Variants in TPH1 observed in about 807,000 individuals in gnomAD.
TPH1 encodes tryptophan hydroxylase 1, also known as tryptophan 5-hydroxylase 1.
TPH1 carries 37 observed loss-of-function variants against 49.5 expected under a neutral mutation model. That is an observed-to-expected ratio of 0.75 (90% CI 0.58 to 0.98). The LOEUF is 0.98. Ranked by LOEUF, TPH1 falls within the 50% of genes least tolerant of loss-of-function variation. TPH1 has a pLI of 0.00. For synonymous variants in TPH1, 160 were observed against 182.1 expected (o/e 0.88, Z 0.98); for missense variants, 487 against 523.6 (o/e 0.93, Z 0.68).
chr11:18,033,907 A>G (rs1246354364), intron 3 of TPH1, among the ~76,000 whole-genome samples: 1 of 151,758 alleles, frequency 6.6e-6, no homozygotes, highest in Non-Finnish European at 1.5e-5. Context: ...TCCCTGCCCC[A>G]CCCTACCCTT....
chr11:18,042,254 A>G (rs1848104450), intron 1 of TPH1: 1 of 412,600 alleles, frequency 2.4e-6, no homozygotes, highest in Admixed American at 3.0e-5. Flanking sequence ...TTAAGTATAC[A>G]CAGAAAATTC....
At chr11:18,025,000 A>G (rs1378051831) in intron 8 of TPH1, among the ~76,000 whole-genome samples, 3 of 152,198 alleles carry the variant, frequency 2.0e-5, no homozygotes, top group African/African-American at 7.2e-5. Context: ...CTATGCTCCC[A>G]GAGCAATGTG....
chr11:18,040,595 T>G, intron 2 of TPH1, 51 bp downstream of exon 2: 1 of 1,551,280 alleles, frequency 6.4e-7, no homozygotes, highest in South Asian at 1.1e-5. Flanking sequence ...AATATAGTTT[T>G]AGAGATTCAT....
chr11:18,044,935 C>G (rs548765430), intron 1 of TPH1, among the ~76,000 whole-genome samples: 1 of 152,186 alleles, frequency 6.6e-6, no homozygotes, highest in African/African-American at 2.4e-5. Flanking sequence ...TTTCCTACTG[C>G]GTCTCCTGGC....
chr11:18,038,738 A>G (rs983665513), intron 2 of TPH1, among the ~76,000 whole-genome samples: 1 of 152,228 alleles, frequency 6.6e-6, no homozygotes, highest in African/African-American at 2.4e-5. Context: ...TATGTTTTAT[A>G]GTACAGGTTG....
chr11:18,026,703 G>T, intron 6 of TPH1, 78 bp from the exon 7 acceptor site: 1 of 1,560,112 alleles, frequency 6.4e-7, no homozygotes, highest in Non-Finnish European at 8.8e-7. Context: ...TCTGCTAGTG[G>T]CACCAAGTAA....
chr11:18,044,004 C>G (rs1045249675), intron 1 of TPH1, among the ~76,000 whole-genome samples: 28 of 152,060 alleles, frequency 1.8e-4, no homozygotes, highest in African/African-American at 6.3e-4. Context: ...TTACCTGATT[C>G]TGGAATGGAT....
intron 5 of TPH1, 55 bp downstream of exon 5, chr11:18,029,452 TTATTC>T (rs1847962177): frequency 6.4e-7 from 1 of 1,551,460 alleles, no homozygotes; most frequent in African/African-American, 1.4e-5. Context: ...TGAACACAAT[TTATTC>T]TATTCACTTA....
intron 2 of TPH1, among the ~76,000 whole-genome samples, chr11:18,037,825 T>C (rs748737428): frequency 6.6e-6 from 1 of 152,152 alleles, no homozygotes; most frequent in Non-Finnish European, 1.5e-5. Flanking sequence ...AACAGAGGCA[T>C]AGAGAGGTTA....
chr11:18,032,451 T>C (rs1488044703), intron 4 of TPH1, among the ~76,000 whole-genome samples: 1 of 151,954 alleles, frequency 6.6e-6, no homozygotes, highest in African/African-American at 2.4e-5. Flanking sequence ...ATGGGACAGA[T>C]ATTTTGGAAC....
At chr11:18,024,123 AC>A in intron 8 of TPH1, 140 bp from the exon 9 acceptor site, 1 of 708,062 alleles carries the variant, frequency 1.4e-6, no homozygotes, top group East Asian at 2.7e-5. Flanking sequence ...CTACAATCTG[AC>A]CTCATTCTAA....
chr11:18,042,938 T>C (rs1848111060), intron 1 of TPH1, among the ~76,000 whole-genome samples: 1 of 152,226 alleles, frequency 6.6e-6, no homozygotes, highest in Admixed American at 6.5e-5. Context: ...ATTAATTTAT[T>C]ATAAAACCCC....
chr11:18,034,026 C>T (rs1848019969), intron 3 of TPH1, among the ~76,000 whole-genome samples: 1 of 152,118 alleles, frequency 6.6e-6, no homozygotes, highest in South Asian at 2.1e-4. Context: ...TTATCTGTCC[C>T]CTGGGTTCCT....
At chr11:18,028,656 G>A (rs1456737766) in intron 6 of TPH1, among the ~76,000 whole-genome samples, 1 of 152,088 alleles carries the variant, frequency 6.6e-6, no homozygotes, top group African/African-American at 2.4e-5. Flanking sequence ...CCTCTACCTT[G>A]GCTGCAGGTT....
chr11:18,023,969 A>G lies in TPH1; in HGVS notation c.945T>C (p.Thr315=). The part of the protein sequence containing the change: ...VQKLATCYFF[T]VEFGLCKQDG... ...CTTGTTTACATAGACCAAACTCCAC[A>G]GTGAAAAAGTAGCACTGCAAAAGAA... The change falls in exon 9 of 11, where the codon ACT becomes ACC. Residue 315 remains threonine (T), a synonymous_variant. Transcript: ENST00000682019. 2 of 1,612,560 alleles carry G rather than the reference A, an allele frequency of 1.2e-6. No homozygotes were observed. The highest frequency in any genetic ancestry group is 1.7e-6 in the Non-Finnish European group (2 of 1,178,912).
chr11:18,023,709 A>T (rs1290755884), intron 9 of TPH1, among the ~76,000 whole-genome samples, 179 bp downstream of exon 9: 2 of 152,154 alleles, frequency 1.3e-5, no homozygotes, highest in African/African-American at 4.8e-5. Context: ...ACACACACAT[A>T]TTTGGATTAT....
At chr11:18,040,572 G>T in intron 2 of TPH1, 74 bp downstream of exon 2, 1 of 1,387,460 alleles carries the variant, frequency 7.2e-7, no homozygotes, top group South Asian at 1.2e-5. Context: ...TTGCTATGTT[G>T]CCCTATATTT....
At chr11:18,035,864 T>G (rs1848043761) in intron 3 of TPH1, 95 bp downstream of exon 3, 1 of 1,059,950 alleles carries the variant, frequency 9.4e-7, no homozygotes, top group Non-Finnish European at 1.4e-6. Context: ...GGAGAGCTTG[T>G]GTTTTATTAT....
chr11:18,019,862 C>T lies in TPH1; in HGVS notation c.*1129G>A. ...CAGCTGACTCTGCATAAAAACCATT[C>T]CTTGGCAATCCTTACATTACTTACA... On this transcript the variant is annotated 3_prime_UTR_variant, in exon 11 of 11. Coordinates refer to ENST00000682019, the MANE Select transcript of TPH1 (RefSeq NM_004179.3). 1 of 398,170 alleles carries T rather than the reference C, an allele frequency of 2.5e-6. No homozygotes were observed. The highest frequency in any genetic ancestry group is 5.0e-6 in the Non-Finnish European group (1 of 200,392). 24.7% of individuals were successfully genotyped at this position (398,170 alleles called of 1,614,324 possible). A position where few individuals can be genotyped will look rare whatever the true frequency, so the allele number is the denominator to read the frequency against.
Sources: allele counts gnomAD v4.1 joint callset (sites outside exome capture counted in the v4.1 genomes callset), GRCh38; gene constraint gnomAD v4.1.1; transcripts MANE v1.5; gene names NCBI Gene and HGNC (gene_info 2026-07-23, HGNC 2026-07-21).